EYS: variants seen among roughly 807,000 people sequenced by gnomAD.
EYS encodes EGF-like photoreceptor maintenance factor.
Under a neutral mutation model 282.1 loss-of-function variants are expected in EYS, and 250 were observed. That is an observed-to-expected ratio of 0.89 (90% CI 0.80 to 0.98). The LOEUF is 0.98. Among genes scored for constraint, EYS ranks in the 50% least tolerant of loss-of-function variants. EYS has a pLI of 0.00. For missense variants in EYS, 4,016 were observed against 3,709.0 expected (o/e 1.08, Z -2.15); for synonymous variants, 1,355 against 1,282.9 (o/e 1.06, Z -1.20).
intron 32 of EYS, among the ~76,000 whole-genome samples, chr6:64,071,372 GATGAA>G (rs1394936053): frequency 3.3e-5 from 5 of 151,704 alleles, no homozygotes; most frequent in African/African-American, 1.2e-4. Context: ...TTAATTTTCT[GATGAA>G]ATGAAATTAT....
chr6:65,344,088 G>A lies in EYS; in HGVS notation c.1549C>T (p.Pro517Ser), dbSNP rs763331925. 9.9e-6 allele frequency: 16 copies of A among 1,610,530 alleles called. No individual in the cohort carries two copies. In the African/African-American group the frequency reaches 1.9e-4, roughly 19 times the overall value. ...CTEDATYVND[P>S]EDNNSSCWFP... ...CAACATGAAGAATTATTATCTTCAG[G>A]ATCGTTCACATAGGTTGCATCTTCA... is the stretch of plus-strand genomic sequence containing the variant. The change falls in exon 10 of 43, where the codon CCT (proline) becomes TCT (serine). Residue 517 changes from proline (P) to serine (S), a missense_variant. By Grantham distance (74) the Pro-to-Ser change is moderately conservative (BLOSUM62 -1). Coordinates refer to ENST00000503581, the MANE Select transcript of EYS (RefSeq NM_001142800.2).
chr6:64,573,117 C>T (rs1000367943), intron 26 of EYS, among the ~76,000 whole-genome samples: 1 of 152,076 alleles, frequency 6.6e-6, no homozygotes, highest in Non-Finnish European at 1.5e-5. Flanking sequence ...AGCAATAACA[C>T]CACACATCTA....
At chr6:64,891,278 G>A (rs1767285183) in intron 18 of EYS, among the ~76,000 whole-genome samples, 1 of 151,922 alleles carries the variant, frequency 6.6e-6, no homozygotes, top group Admixed American at 6.6e-5. Context: ...GGGCAAATTT[G>A]TGCGAAAATA....
At chr6:64,827,230 T>C (rs1161361632) in intron 19 of EYS, among the ~76,000 whole-genome samples, 3 of 151,902 alleles carry the variant, frequency 2.0e-5, no homozygotes, top group African/African-American at 7.2e-5. Context: ...GCCTGAAATG[T>C]CATTTCCACA....
intron 31 of EYS, among the ~76,000 whole-genome samples, chr6:64,113,431 T>G (rs559256708): frequency 1.3e-5 from 2 of 152,134 alleles, no homozygotes; most frequent in Admixed American, 1.3e-4. Flanking sequence ...TCTCATTAGG[T>G]TGTGAGAATT....
chr6:63,953,867 T>A (rs570884621), intron 35 of EYS, among the ~76,000 whole-genome samples: 94 of 152,326 alleles, frequency 6.2e-4, no homozygotes, highest in African/African-American at 2.2e-3. Flanking sequence ...CAACTTGGCC[T>A]TACTGTTTTA....
At chr6:65,002,183 T>G (rs74400560) in intron 13 of EYS, among the ~76,000 whole-genome samples, 6,944 of 147,398 alleles carry the variant, frequency 0.047, 909 homozygotes, top group South Asian at 0.098. Context: ...CATGCGATAT[T>G]TTAAAATGAC....
At chr6:64,391,385 A>T (rs1177838900) in intron 28 of EYS, among the ~76,000 whole-genome samples, 1 of 152,044 alleles carries the variant, frequency 6.6e-6, no homozygotes, top group Non-Finnish European at 1.5e-5. Flanking sequence ...GAAAGGTCGG[A>T]TTACCCTCCA....
intron 26 of EYS, among the ~76,000 whole-genome samples, chr6:64,545,468 G>T (rs1410304329): frequency 6.6e-6 from 1 of 152,154 alleles, no homozygotes; most frequent in Non-Finnish European, 1.5e-5. Context: ...CACAAGACAG[G>T]GATGCCCTCT....
chr6:65,347,966 T>C (rs1056204829), intron 9 of EYS, among the ~76,000 whole-genome samples: 3 of 151,730 alleles, frequency 2.0e-5, no homozygotes, highest in Non-Finnish European at 1.5e-5. Flanking sequence ...TACAAATACA[T>C]GAGAACATGT....
At chr6:63,803,762 G>C (rs1210345915) in intron 37 of EYS, among the ~76,000 whole-genome samples, 1 of 152,184 alleles carries the variant, frequency 6.6e-6, no homozygotes, top group Non-Finnish European at 1.5e-5. Flanking sequence ...GGTGTATAAA[G>C]TTGAACAGGG....
chr6:65,390,148 T>A (rs1442111026), intron 7 of EYS, among the ~76,000 whole-genome samples: 1 of 151,484 alleles, frequency 6.6e-6, no homozygotes, highest in African/African-American at 2.4e-5. Flanking sequence ...CCATGGGAGA[T>A]GGACTGAGGT....
chr6:65,267,802 T>C (rs976092834), intron 12 of EYS, among the ~76,000 whole-genome samples: 11 of 151,996 alleles, frequency 7.2e-5, no homozygotes, highest in Admixed American at 2.0e-4. Flanking sequence ...AATGGAAATC[T>C]GTTTCCTGCA....
intron 26 of EYS, among the ~76,000 whole-genome samples, chr6:64,453,699 C>T (rs1024678337): frequency 1.3e-5 from 2 of 152,126 alleles, no homozygotes; most frequent in Non-Finnish European, 2.9e-5. Flanking sequence ...GAGCTCATGT[C>T]CTTTGTAGGA....
At position 64,776,475 on chromosome 6, in the gene EYS, T is replaced by C. The variant is rs542679318; in HGVS notation, c.3443+36903A>G. Among the ~76,000 whole-genome samples the C allele has an allele frequency of 3.2e-3, 480 of 152,208 alleles. 5 individuals are homozygous for C. Among genetic ancestry groups the C allele is most frequent in the Admixed American group, 4.1e-3 (63 of 15,254 alleles). ...TATAGGAAAAATATAATCCTTTATATGCTATTTAAATATATTCTCTGGCTA... is the reference window on the plus strand; with the variant it reads ...TATAGGAAAAATATAATCCTTTATACGCTATTTAAATATATTCTCTGGCTA... On this transcript the variant is annotated intron_variant, in intron 22 of 42. Coordinates refer to ENST00000503581, the MANE Select transcript of EYS (RefSeq NM_001142800.2).
At chr6:65,011,402 TA>T (rs1771864901) in intron 13 of EYS, among the ~76,000 whole-genome samples, 1 of 152,320 alleles carries the variant, frequency 6.6e-6, no homozygotes, top group East Asian at 1.9e-4. Flanking sequence ...ATAGAAGCTC[TA>T]AAACTACAAA....
In EYS at chr6:63,975,850, A is replaced by T. The variant is rs117276548; in HGVS notation, c.7055+8533T>A. 1.6e-3 allele frequency among the ~76,000 whole-genome samples: 247 copies of T among 152,106 alleles called. 2 individuals carry two copies. In the East Asian group the frequency reaches 0.036, roughly 22 times the overall value. Reference sequence around the variant, plus strand: ...ATTTACAGTTATATGTCACTCAGTAACACTTCTGAGAAATGCCTCATTAGG... The same window carrying T: ...ATTTACAGTTATATGTCACTCAGTATCACTTCTGAGAAATGCCTCATTAGG... On this transcript the variant is annotated intron_variant, in intron 35 of 42. Coordinates refer to ENST00000503581, the MANE Select transcript of EYS (RefSeq NM_001142800.2).
At chr6:65,162,911 T>TGTG (rs1764885015) in intron 12 of EYS, among the ~76,000 whole-genome samples, 1 of 147,288 alleles carries the variant, frequency 6.8e-6, no homozygotes, top group African/African-American at 2.5e-5. Context: ...CCTGTTCTGT[T>TGTG]TGTGTGTGTG....
chr6:63,946,812 A>C (rs1325532210), intron 35 of EYS, among the ~76,000 whole-genome samples: 1 of 151,458 alleles, frequency 6.6e-6, no homozygotes, highest in Non-Finnish European at 1.5e-5. Flanking sequence ...GAAACTTTGA[A>C]GCACCAGATC....
Sources: allele counts gnomAD v4.1 joint callset (sites outside exome capture counted in the v4.1 genomes callset), GRCh38; gene constraint gnomAD v4.1.1; transcripts MANE v1.5; gene names NCBI Gene and HGNC (gene_info 2026-07-23, HGNC 2026-07-21).